The following TBCA variants were observed in gnomAD, a reference collection of about 807,000 sequenced individuals.
The protein encoded by TBCA is tubulin folding cofactor A.
A neutral mutation model predicts 15.8 loss-of-function variants in TBCA; 6 were observed. That is an observed-to-expected ratio of 0.38 (90% CI 0.21 to 0.75). The LOEUF (loss-of-function observed/expected upper bound fraction) is 0.75. Among genes scored for constraint, TBCA ranks in the 30% least tolerant of loss-of-function variants. The pLI is 0.46. For synonymous variants in TBCA, 32 were observed against 42.3 expected, an observed-to-expected ratio of 0.76 and a Z score of 0.94; for missense variants, 90 against 131.2, an observed-to-expected ratio of 0.69 and a Z score of 1.53.
At chr5:77,761,329 C>A (rs1036341973) in intron 1 of TBCA, among the ~76,000 whole-genome samples, 1 of 152,140 alleles carries the variant, frequency 6.6e-6, no homozygotes, top group African/African-American at 2.4e-5. Flanking sequence ...TAATCTATAA[C>A]CTTACCCCCA....
intron 1 of TBCA, among the ~76,000 whole-genome samples, chr5:77,769,880 A>T (rs1179725921): frequency 6.6e-6 from 1 of 152,212 alleles, no homozygotes; most frequent in South Asian, 2.1e-4. Context: ...GAGGAAAACT[A>T]TGGGCCAATG....
intron 1 of TBCA, among the ~76,000 whole-genome samples, chr5:77,714,251 C>T (rs772304024): frequency 1.1e-4 from 16 of 151,912 alleles, no homozygotes; most frequent in Non-Finnish European, 1.9e-4. Flanking sequence ...ACCCGGGAGG[C>T]GGAGGCTGCA....
intron 1 of TBCA, among the ~76,000 whole-genome samples, chr5:77,750,158 A>C (rs1057161369): frequency 6.6e-6 from 1 of 151,174 alleles, no homozygotes; most frequent in Non-Finnish European, 1.5e-5. Context: ...ATAGAGAGAG[A>C]GCACAAATAT....
chr5:77,714,890 T>C (rs949011387), intron 1 of TBCA, among the ~76,000 whole-genome samples: 2 of 152,214 alleles, frequency 1.3e-5, no homozygotes, highest in African/African-American at 4.8e-5. Flanking sequence ...AAAGGGCTAC[T>C]ATGTGCCAGG....
intron 1 of TBCA, among the ~76,000 whole-genome samples, chr5:77,755,058 A>G: frequency 6.6e-6 from 1 of 152,266 alleles, no homozygotes; most frequent in Non-Finnish European, 1.5e-5. Flanking sequence ...CTTTTACTTC[A>G]GAACTCTAGC....
intron 1 of TBCA, among the ~76,000 whole-genome samples, chr5:77,737,364 G>A (rs1746933626): frequency 1.3e-5 from 2 of 152,192 alleles, no homozygotes; most frequent in South Asian, 4.1e-4. Context: ...GGCAAACAGT[G>A]CATTATTTAA....
intron 1 of TBCA, among the ~76,000 whole-genome samples, chr5:77,729,636 T>A (rs1445053551): frequency 6.6e-6 from 1 of 152,188 alleles, no homozygotes; most frequent in Non-Finnish European, 1.5e-5. Flanking sequence ...AAAAGTAACA[T>A]TCAGTAACTA....
chr5:77,698,935 G>A (rs372323072), intron 2 of TBCA, among the ~76,000 whole-genome samples: 1 of 138,822 alleles, frequency 7.2e-6, no homozygotes, highest in South Asian at 2.3e-4. Flanking sequence ...CAGGTTACAA[G>A]ATCAACATAA....
chr5:77,720,467 A>G (rs959696941), intron 1 of TBCA, among the ~76,000 whole-genome samples: 1 of 152,040 alleles, frequency 6.6e-6, no homozygotes, highest in Non-Finnish European at 1.5e-5. Context: ...TAATCCCAGC[A>G]CTTTGGGAGG....
intron 2 of TBCA, among the ~76,000 whole-genome samples, chr5:77,700,030 C>CA (rs67790719): frequency 0.6 from 51,849 of 85,908 alleles, 16,226 homozygotes; most frequent in Non-Finnish European, 0.71. Context: ...GGCTCTGACT[C>CA]AAAAAAAAAA....
At chr5:77,709,371 T>C (rs1356221300) in intron 1 of TBCA, among the ~76,000 whole-genome samples, 6 of 152,196 alleles carry the variant, frequency 3.9e-5, no homozygotes, top group African/African-American at 1.4e-4. Flanking sequence ...ATTATATTAA[T>C]CATAATAGCT....
intron 1 of TBCA, among the ~76,000 whole-genome samples, chr5:77,746,050 G>A (rs1747177837): frequency 6.6e-6 from 1 of 152,180 alleles, no homozygotes; most frequent in Admixed American, 6.5e-5. Flanking sequence ...TGCATAAGAA[G>A]AGTAAACAGT....
intron 2 of TBCA, among the ~76,000 whole-genome samples, chr5:77,697,818 C>A (rs1745905149): frequency 6.6e-6 from 1 of 151,904 alleles, no homozygotes; most frequent in Admixed American, 6.6e-5. Flanking sequence ...AAGCAATAGA[C>A]AAAACTGTAT....
At chr5:77,711,869 G>A (rs1746285219) in intron 1 of TBCA, among the ~76,000 whole-genome samples, 1 of 151,850 alleles carries the variant, frequency 6.6e-6, no homozygotes, top group Admixed American at 6.6e-5. Context: ...CATGGTTATT[G>A]GAATATCAAA....
chr5:77,746,793 A>G (rs1747195907), intron 1 of TBCA, among the ~76,000 whole-genome samples: 1 of 152,198 alleles, frequency 6.6e-6, no homozygotes, highest in Non-Finnish European at 1.5e-5. Flanking sequence ...AATTTCTGGT[A>G]AAGTCTAAAT....
chr5:77,773,669 T>C (rs1747960090), intron 1 of TBCA, among the ~76,000 whole-genome samples: 1 of 152,218 alleles, frequency 6.6e-6, no homozygotes, highest in African/African-American at 2.4e-5. Context: ...CAATAAAGCT[T>C]CCCGGGAAGT....
At chr5:77,755,167 G>A (rs991562034) in intron 1 of TBCA, among the ~76,000 whole-genome samples, 23 of 152,222 alleles carry the variant, frequency 1.5e-4, no homozygotes, top group African/African-American at 4.3e-4. Flanking sequence ...AAAAGTAGCA[G>A]CAGACTTAAA....
intron 2 of TBCA, among the ~76,000 whole-genome samples, chr5:77,699,054 A>AAAAAAAAAAAAC (rs1745943703): frequency 6.6e-6 from 1 of 150,718 alleles, no homozygotes; most frequent in East Asian, 1.9e-4. Flanking sequence ...AAAAAAAAAA[A>AAAAAAAAAAAAC]AAAAGAAATA....
At chr5:77,745,631 G>A (rs1747169327) in intron 1 of TBCA, among the ~76,000 whole-genome samples, 1 of 152,174 alleles carries the variant, frequency 6.6e-6, no homozygotes, top group South Asian at 2.1e-4. Context: ...GATGGTATAG[G>A]GGGCCAATTT....
Sources: gnomAD v4.1 joint callset for allele counts (sites outside exome capture counted in the v4.1 genomes callset) on GRCh38, gnomAD v4.1.1 for gene constraint, MANE v1.5 for transcripts, NCBI Gene and HGNC (gene_info 2026-07-23, HGNC 2026-07-21) for gene names.